FHIT: variants seen among roughly 807,000 people sequenced by gnomAD.
FHIT encodes bis(5'-adenosyl)-triphosphatase.
FHIT carries 19 observed loss-of-function variants against 17.9 expected under a neutral mutation model. The ratio of observed to expected loss-of-function variants is 1.06; its 90% CI spans 0.74 to 1.56. FHIT has a LOEUF of 1.56. Among genes scored for constraint, FHIT ranks in the 40% most tolerant of loss-of-function variants. The pLI, the probability that FHIT is intolerant of heterozygous loss-of-function variation, is 0.00. For synonymous variants in FHIT, 81 were observed against 69.7 expected (o/e 1.16, Z -0.81); for missense variants, 248 against 189.2 (o/e 1.31, Z -1.82).
At chr3:60,150,688 C>T (rs1700427693) in intron 5 of FHIT, among the ~76,000 whole-genome samples, 1 of 152,122 alleles carries the variant, frequency 6.6e-6, no homozygotes, top group Admixed American at 6.5e-5. Flanking sequence ...GAGGCTGAGG[C>T]GGGCAGACCG....
intron 3 of FHIT, among the ~76,000 whole-genome samples, chr3:60,958,363 C>T (rs373826513): frequency 2.2e-4 from 33 of 152,242 alleles, no homozygotes; most frequent in South Asian, 6.2e-4. Flanking sequence ...ACTTATGTTC[C>T]ATTTTAAAGA....
chr3:60,860,273 G>GATACATCATATGTATACATGAC (rs1703626374), intron 3 of FHIT, among the ~76,000 whole-genome samples: 2 of 84,604 alleles, frequency 2.4e-5, no homozygotes, highest in Non-Finnish European at 5.6e-5. Flanking sequence ...GTATACATGA[G>GATACATCATATGTATACATGAC]ATACATCATA....
chr3:59,927,622 A>C (rs1236330846), intron 7 of FHIT, among the ~76,000 whole-genome samples: 1 of 152,112 alleles, frequency 6.6e-6, no homozygotes, highest in Non-Finnish European at 1.5e-5. Context: ...ACAAAAAGTT[A>C]GCCAGGCGTG....
At chr3:60,498,976 G>A (rs1047057855) in intron 5 of FHIT, among the ~76,000 whole-genome samples, 2 of 152,204 alleles carry the variant, frequency 1.3e-5, no homozygotes, top group African/African-American at 4.8e-5. Flanking sequence ...AATACTTCAT[G>A]TGTTATCTTG....
At chr3:60,309,315 C>G (rs1708830904) in intron 5 of FHIT, among the ~76,000 whole-genome samples, 1 of 151,886 alleles carries the variant, frequency 6.6e-6, no homozygotes, top group Admixed American at 6.6e-5. Context: ...GTTAGAGGCT[C>G]TGGGAGGACA....
chr3:59,997,071 C>T (rs1699542113), intron 7 of FHIT, among the ~76,000 whole-genome samples: 1 of 152,116 alleles, frequency 6.6e-6, no homozygotes, highest in Non-Finnish European at 1.5e-5. Flanking sequence ...TGAGAGCCTA[C>T]TATATTCTAA....
At chr3:59,959,326 G>A (rs546513343) in intron 7 of FHIT, among the ~76,000 whole-genome samples, 1 of 152,198 alleles carries the variant, frequency 6.6e-6, no homozygotes, top group African/African-American at 2.4e-5. Flanking sequence ...TAAGAAGAGA[G>A]TGTTTCATTT....
intron 5 of FHIT, among the ~76,000 whole-genome samples, chr3:60,517,695 AG>A (rs1162713893): frequency 6.6e-6 from 1 of 152,264 alleles, no homozygotes. Flanking sequence ...TATTGAATAT[AG>A]TACATTTCAT....
At chr3:61,083,874 G>C (rs938625232) in intron 2 of FHIT, among the ~76,000 whole-genome samples, 1 of 152,038 alleles carries the variant, frequency 6.6e-6, no homozygotes, top group African/African-American at 2.4e-5. Context: ...CCATTGTACG[G>C]ATATACCACA....
chr3:59,907,521 A>T (rs1450709600), intron 8 of FHIT, among the ~76,000 whole-genome samples: 2 of 152,192 alleles, frequency 1.3e-5, no homozygotes, highest in Non-Finnish European at 2.9e-5. Context: ...TTTAAAATAG[A>T]GTTTCAAGCT....
At position 60,781,369 on chromosome 3, in the gene FHIT, G is replaced by A. The variant is rs1161951720; in HGVS notation, c.-18+40550C>T. Among the ~76,000 whole-genome samples, 2 of 152,114 alleles carry A rather than the reference G, an allele frequency of 1.3e-5. 1 individual carries two copies. The highest frequency in any genetic ancestry group is 2.9e-5 in the Non-Finnish European group (2 of 68,022). ...AGACTATTTCTGCACCAGTCAAGAA[G>A]CACACAAATGGACACTCATGAAGAA... On this transcript the variant is annotated intron_variant, in intron 4 of 9. Coordinates refer to ENST00000492590, the MANE Select transcript of FHIT (RefSeq NM_002012.4).
chr3:60,283,420 T>C (rs1272391578), intron 5 of FHIT, among the ~76,000 whole-genome samples: 2 of 152,144 alleles, frequency 1.3e-5, no homozygotes, highest in African/African-American at 2.4e-5. Context: ...ATTTTTCACA[T>C]ACCATAACAT....
intron 5 of FHIT, among the ~76,000 whole-genome samples, chr3:60,225,126 G>A (rs1704135083): frequency 2.0e-5 from 3 of 152,106 alleles, no homozygotes; most frequent in African/African-American, 4.8e-5. Flanking sequence ...AGCATTTTGT[G>A]TTCGTCTCTC....
At chr3:60,334,405 T>G (rs1246008038) in intron 5 of FHIT, among the ~76,000 whole-genome samples, 3 of 152,316 alleles carry the variant, frequency 2.0e-5, no homozygotes, top group African/African-American at 4.8e-5. Flanking sequence ...CTCTAGACTT[T>G]ACTTTATATG....
In FHIT at chr3:60,823,662, G is replaced by C. The variant is rs116817567; in HGVS notation, c.-110-1651C>G. On this transcript the variant is annotated intron_variant, in intron 3 of 9. Transcript: ENST00000492590. ...CTGGTGACACTTTGATTTCAGACTT[G>C]TAGCCTCCAGAACTATGAGACAATA... is the stretch of plus-strand genomic sequence containing the variant. 3.9e-3 allele frequency among the ~76,000 whole-genome samples: 591 copies of C among 152,288 alleles called. 5 individuals carry two copies. Among genetic ancestry groups the C allele is most frequent in the African/African-American group, 0.013 (555 of 41,560 alleles).
intron 5 of FHIT, among the ~76,000 whole-genome samples, chr3:60,192,282 C>T (rs1184219530): frequency 6.7e-6 from 1 of 149,196 alleles, no homozygotes; most frequent in African/African-American, 2.5e-5. Context: ...AAAGGATAGA[C>T]AGGCAAAAGT....
chr3:60,524,424 G>C (rs973043203), intron 5 of FHIT, among the ~76,000 whole-genome samples: 1 of 152,108 alleles, frequency 6.6e-6, no homozygotes, highest in African/African-American at 2.4e-5. Context: ...GGCATTCCAC[G>C]AAGAATAAAC....
chr3:61,205,068 G>A (rs766099933), intron 1 of FHIT, among the ~76,000 whole-genome samples: 42 of 149,578 alleles, frequency 2.8e-4, no homozygotes, highest in South Asian at 8.5e-4. Flanking sequence ...GAGAACATGC[G>A]CTGTTTGGTG....
At chr3:60,169,086 G>A (rs537511648) in intron 5 of FHIT, among the ~76,000 whole-genome samples, 83 of 152,278 alleles carry the variant, frequency 5.5e-4, no homozygotes, top group African/African-American at 1.9e-3. Context: ...AACCAAATAA[G>A]AAAGTAAGTT....
Sources: allele counts gnomAD v4.1 joint callset (sites outside exome capture counted in the v4.1 genomes callset), GRCh38; gene constraint gnomAD v4.1.1; transcripts MANE v1.5; gene names NCBI Gene and HGNC (gene_info 2026-07-23, HGNC 2026-07-21).